Variants in FAM53B observed in about 807,000 individuals in gnomAD.
FAM53B encodes the protein protein FAM53B.
FAM53B carries 12 observed loss-of-function variants against 32.7 expected under a neutral mutation model. The ratio of observed to expected loss-of-function variants is 0.37; its 90% confidence interval spans 0.24 to 0.59. The LOEUF (loss-of-function observed/expected upper bound fraction) is 0.59, where lower values mean the gene tolerates loss of function less well. FAM53B is among the 20% of genes least tolerant of loss of function. The pLI is 0.72. For synonymous variants in FAM53B, 234 were observed against 228.7 expected, an observed-to-expected ratio of 1.02 and a Z score of -0.21; for missense variants, 477 against 577.7, an observed-to-expected ratio of 0.83 and a Z score of 1.79.
intron 4 of FAM53B, among the ~76,000 whole-genome samples, chr10:124,644,477 C>G (rs1331416943): frequency 6.6e-6 from 1 of 152,208 alleles, no homozygotes; most frequent in Non-Finnish European, 1.5e-5. Context: ...CAGCTCCTAG[C>G]CTAGAAATGA....
At chr10:124,669,571 TG>T (rs1301664028) in intron 4 of FAM53B, among the ~76,000 whole-genome samples, 2 of 152,240 alleles carry the variant, frequency 1.3e-5, no homozygotes, top group Non-Finnish European at 2.9e-5. Context: ...CACCAGGTCC[TG>T]GGCCAAAGGC....
intron 4 of FAM53B, among the ~76,000 whole-genome samples, chr10:124,626,799 G>A (rs1333974787): frequency 6.6e-6 from 1 of 152,198 alleles, no homozygotes; most frequent in African/African-American, 2.4e-5. Flanking sequence ...AGGGGCTGAG[G>A]TCAGACAGGC....
At chr10:124,660,647 A>G (rs1241542556) in intron 4 of FAM53B, among the ~76,000 whole-genome samples, 3 of 152,232 alleles carry the variant, frequency 2.0e-5, no homozygotes, top group African/African-American at 7.2e-5. Flanking sequence ...CCTGGGCCCT[A>G]TCGAGGGCCA....
chr10:124,721,106 G>A (rs1164473156), intron 1 of FAM53B, among the ~76,000 whole-genome samples: 1 of 152,228 alleles, frequency 6.6e-6, no homozygotes, highest in Non-Finnish European at 1.5e-5. Flanking sequence ...GGAGGTTGGG[G>A]TGGGAAGATC....
At chr10:124,720,085 C>A (rs1164373248) in intron 1 of FAM53B, among the ~76,000 whole-genome samples, 2 of 151,630 alleles carry the variant, frequency 1.3e-5, no homozygotes. Flanking sequence ...ATTGCTTGAA[C>A]CTGGGAGGTG....
At position 124,623,419 on chromosome 10, in the gene FAM53B, G is replaced by A. The variant is rs1372514297; in HGVS notation, c.1092C>T (p.Asp364=). ...PVPEPLPPSF[D]DHLACQEDLS... is the part of the protein sequence containing the mutation. ...GGTCCTCCTGGCAGGCGAGGTGGTC[G>A]TCGAAGGAAGGGGGAAGAGGCTCAG... Residue 364 remains aspartate, a synonymous_variant, in exon 5 of 5, where the codon GAC becomes GAT. Coordinates refer to ENST00000337318, the MANE Select transcript of FAM53B (RefSeq NM_014661.4). The A allele has an allele frequency of 1.1e-5, 17 of 1,607,318 alleles. No homozygotes were observed. Among genetic ancestry groups the A allele is most frequent in the African/African-American group, 2.7e-5 (2 of 74,810 alleles).
intron 1 of FAM53B, among the ~76,000 whole-genome samples, chr10:124,726,868 C>T (rs985423330): frequency 6.6e-6 from 1 of 152,196 alleles, no homozygotes; most frequent in Non-Finnish European, 1.5e-5. Context: ...GTTTCATCTA[C>T]CCTAAGAAAT....
At chr10:124,703,428 T>G (rs1949929172) in intron 2 of FAM53B, among the ~76,000 whole-genome samples, 1 of 152,234 alleles carries the variant, frequency 6.6e-6, no homozygotes, top group African/African-American at 2.4e-5. Context: ...GCCTCAGGTA[T>G]TCCTCATAGC....
intron 4 of FAM53B, among the ~76,000 whole-genome samples, chr10:124,640,237 G>C (rs909151465): frequency 1.3e-5 from 2 of 152,218 alleles, no homozygotes; most frequent in African/African-American, 4.8e-5. Flanking sequence ...GCTTGTCTGC[G>C]AGTGTGAGGA....
chr10:124,716,921 AC>A (rs1950041683), intron 1 of FAM53B, among the ~76,000 whole-genome samples: 1 of 152,182 alleles, frequency 6.6e-6, no homozygotes, highest in South Asian at 2.1e-4. Flanking sequence ...AAGATAATCT[AC>A]TATCATGTTA....
chr10:124,731,891 C>G (rs923891743), intron 1 of FAM53B, among the ~76,000 whole-genome samples: 3 of 152,182 alleles, frequency 2.0e-5, no homozygotes, highest in Non-Finnish European at 2.9e-5. Flanking sequence ...CATGGGCTGA[C>G]GCAGCTCAAA....
intron 1 of FAM53B, 66 bp from the exon 2 acceptor site, chr10:124,706,953 C>T: frequency 7.4e-7 from 1 of 1,356,650 alleles, no homozygotes; most frequent in Non-Finnish European, 9.6e-7. Context: ...GAGAGTCACC[C>T]CTCCCACAGT....
chr10:124,632,692 C>G (rs1324167783), intron 4 of FAM53B, among the ~76,000 whole-genome samples: 1 of 152,230 alleles, frequency 6.6e-6, no homozygotes, highest in Admixed American at 6.5e-5. Context: ...ATGGAGGGCA[C>G]ACTCTTGGAG....
chr10:124,741,667 G>A (rs1950200380), intron 1 of FAM53B, among the ~76,000 whole-genome samples: 1 of 152,136 alleles, frequency 6.6e-6, no homozygotes, highest in African/African-American at 2.4e-5. Flanking sequence ...AATATATAAG[G>A]GGAAAGAGAA....
At chr10:124,728,002 C>A (rs1315685608) in intron 1 of FAM53B, among the ~76,000 whole-genome samples, 1 of 152,224 alleles carries the variant, frequency 6.6e-6, no homozygotes, top group Non-Finnish European at 1.5e-5. Flanking sequence ...CAGACCCAGA[C>A]CACCAGAGTG....
At chr10:124,661,071 A>AAAAAC (rs1178194957) in intron 4 of FAM53B, among the ~76,000 whole-genome samples, 2 of 151,796 alleles carry the variant, frequency 1.3e-5, no homozygotes, top group African/African-American at 2.4e-5. Context: ...AAAAAAAAAA[A>AAAAAC]AAAAAACAGG....
At chr10:124,689,455 C>G (rs1002498057) in intron 3 of FAM53B, among the ~76,000 whole-genome samples, 1 of 152,250 alleles carries the variant, frequency 6.6e-6, no homozygotes, top group African/African-American at 2.4e-5. Flanking sequence ...GCCTCAGCTT[C>G]AGGTCCTGCC....
chr10:124,651,785 G>A lies in FAM53B; in HGVS notation c.907-28181C>T, dbSNP rs551689903. Among the ~76,000 whole-genome samples the A allele has an allele frequency of 5.3e-5, 8 of 152,236 alleles. No homozygotes were observed. The highest frequency in any genetic ancestry group is 8.8e-5 in the Non-Finnish European group (6 of 68,024). On this transcript the variant is annotated intron_variant, in intron 4 of 4. Transcript: ENST00000337318. This position sits in a 1 kb window ranked among gnomAD's most constrained non-coding sequence, Gnocchi z 5.2. Reference sequence around the variant, plus strand: ...CAGTGACTGGGCACTGGCACATGGCGGGGACACGCCACCCCTGCTGTCTAC... The same window carrying A: ...CAGTGACTGGGCACTGGCACATGGCAGGGACACGCCACCCCTGCTGTCTAC...
intron 1 of FAM53B, among the ~76,000 whole-genome samples, chr10:124,740,295 A>T (rs930144330): frequency 6.6e-6 from 1 of 151,630 alleles, no homozygotes; most frequent in Non-Finnish European, 1.5e-5. Context: ...TGTGCACAGG[A>T]GGTTTGGATT....
Sources: gnomAD v4.1 joint callset for allele counts (sites outside exome capture counted in the v4.1 genomes callset) on GRCh38, gnomAD v4.1.1 for gene constraint, Gnocchi (gnomAD v3.1) non-coding constraint, MANE v1.5 for transcripts, NCBI Gene and HGNC (gene_info 2026-07-23, HGNC 2026-07-21) for gene names.